The following ZBBX variants were observed in gnomAD, a reference collection of about 807,000 sequenced individuals.
ZBBX encodes the protein zinc finger B-box domain containing.
A neutral mutation model predicts 108.5 loss-of-function variants in ZBBX; 101 were observed. The ratio of observed to expected loss-of-function variants is 0.93; its 90% CI spans 0.79 to 1.10. The LOEUF is 1.10. Among genes scored for constraint, ZBBX ranks in the 50% least tolerant of loss-of-function variants. The probability of loss-of-function intolerance (pLI) is 0.00; values close to 1 mark genes in which losing one functional copy is unlikely to be tolerated. For synonymous variants in ZBBX, 356 were observed against 323.4 expected (o/e 1.10, Z -1.08); for missense variants, 1,009 against 941.4 (o/e 1.07, Z -0.94).
intron 9 of ZBBX, among the ~76,000 whole-genome samples, chr3:167,348,294 A>AAGGAAGGAAGGAAG (rs1741889496): frequency 4.7e-5 from 3 of 63,462 alleles, no homozygotes; most frequent in East Asian, 8.4e-4. Context: ...AAGGAAGGAA[A>AAGGAAGGAAGGAAG]GAAGAAAGAG....
intron 20 of ZBBX, among the ~76,000 whole-genome samples, chr3:167,277,594 T>C (rs1219861278): frequency 2.0e-5 from 3 of 152,136 alleles, no homozygotes; most frequent in African/African-American, 4.8e-5. Flanking sequence ...AGCAGATTCA[T>C]AAAGCAAGTC....
chr3:167,372,895 T>C lies in ZBBX; in HGVS notation c.7A>G (p.Arg3Gly). Residue 3 changes from arginine (R) to glycine (G), a missense_variant, in exon 4 of 22, where the codon AGA (arginine) becomes GGA (glycine). Arg to Gly is a moderately radical substitution (Grantham distance 125). Transcript: ENST00000675490. ...CATGGAAGAACTACAAAATCTTTTCTGTTCATGATTACCACCTTAATATTG... is the reference window on the plus strand; with the variant it reads ...CATGGAAGAACTACAAAATCTTTTCCGTTCATGATTACCACCTTAATATTG... MN[R>G]KDFVVLPWGK... 1 of 1,600,890 alleles carries C rather than the reference T, an allele frequency of 6.2e-7. No homozygotes were observed. Among genetic ancestry groups the C allele is most frequent in the Non-Finnish European group, 8.5e-7 (1 of 1,174,376 alleles).
chr3:167,348,771 T>C (rs543989859), intron 9 of ZBBX, among the ~76,000 whole-genome samples: 5 of 152,180 alleles, frequency 3.3e-5, no homozygotes, highest in African/African-American at 9.6e-5. Context: ...GTATATTCGG[T>C]AGATATTTTC....
In ZBBX at chr3:167,286,131, A is replaced by G. The variant is rs374854003; in HGVS notation, c.1996+2736T>C. On this transcript the variant is annotated intron_variant, in intron 19 of 21. Transcript: ENST00000675490. ...GCTGAATAATGGAAAAGAATCAATC[A>G]TATGAAGAGTGTGAGAATGGAGAGG... Among the ~76,000 whole-genome samples, 43 of 152,280 alleles carry G rather than the reference A, an allele frequency of 2.8e-4. 1 individual carries two copies. The South Asian group carries it at 8.9e-3, about 32-fold the overall frequency.
rs967022860 is a variant in ZBBX at position 167,277,207 on chromosome 3, C to T, written c.2254+5031G>A. On this transcript the variant is annotated intron_variant, in intron 20 of 21. Coordinates refer to ENST00000675490, the MANE Select transcript of ZBBX (RefSeq NM_001199201.2). ...TCAACTAACGAGCAAAATAACCAGC[C>T]AACATCATAATGACAGGAACAAATT... Among the ~76,000 whole-genome samples, 29 of 151,496 alleles carry T rather than the reference C, an allele frequency of 1.9e-4. No individual in the cohort carries two copies. In the South Asian group the frequency reaches 4.6e-3, roughly 24 times the overall value.
chr3:167,333,816 C>T lies in ZBBX; in HGVS notation c.687+11G>A. The stretch of plus-strand genomic sequence containing the variant: ...TGTCAGAAAATGTCTACTATATTTT[C>T]CTCAGTTTACCTCAGAGCTGCTCCT... On this transcript the variant is annotated intron_variant, in intron 10 of 21. Coordinates refer to ENST00000675490, the MANE Select transcript of ZBBX (RefSeq NM_001199201.2). 1.3e-6 allele frequency: 2 copies of T among 1,581,364 alleles called. No homozygotes were observed. The highest frequency in any genetic ancestry group is 1.7e-6 in the Non-Finnish European group (2 of 1,167,892).
At chr3:167,354,494 GA>G (rs151050657) in intron 8 of ZBBX, among the ~76,000 whole-genome samples, 1,837 of 151,472 alleles carry the variant, frequency 0.012, 45 homozygotes, top group African/African-American at 0.042. Flanking sequence ...TTAATCTGAA[GA>G]AAAAAAAACA....
intron 9 of ZBBX, among the ~76,000 whole-genome samples, chr3:167,349,208 C>T (rs1168383239): frequency 6.6e-6 from 1 of 152,050 alleles, no homozygotes; most frequent in Non-Finnish European, 1.5e-5. Flanking sequence ...CTCAATAAAT[C>T]ATTGAATGAA....
At chr3:167,191,708 G>A in the ZBBX span, among the ~76,000 whole-genome samples, 1 of 151,662 alleles carries the variant, frequency 6.6e-6, no homozygotes, top group Non-Finnish European at 1.5e-5. Flanking sequence ...CCAGTCTCTG[G>A]TATGTCTTTA....
At chr3:167,201,613 A>G in the ZBBX span, among the ~76,000 whole-genome samples, 2 of 152,162 alleles carry the variant, frequency 1.3e-5, no homozygotes, top group African/African-American at 4.8e-5. Context: ...TGTAAATTGC[A>G]TTAAAATAGA....
At chr3:167,317,215 C>T (rs1234162027) in intron 13 of ZBBX, 110 bp from the exon 14 acceptor site, 7 of 698,496 alleles carry the variant, frequency 1.0e-5, no homozygotes, top group African/African-American at 7.4e-5. Context: ...TGTATCTACA[C>T]AAAAATACAA....
rs1202818790 is a variant in ZBBX, at chr3:167,282,389, A to G, written c.2103T>C (p.Ala701=). ...SSSHPRSRSA[A]AQSSSRAASE... ...AAGCAGCTCTAGATGATGATTGAGC[A>G]GCTGCACTTCTTGATCGAGGATGAG... is the stretch of plus-strand genomic sequence containing the variant. Residue 701 remains alanine, a synonymous_variant, in exon 20 of 22, where the codon GCT becomes GCC. Coordinates refer to ENST00000675490, the MANE Select transcript of ZBBX (RefSeq NM_001199201.2). 1 of 1,614,182 alleles carries G rather than the reference A, an allele frequency of 6.2e-7. No homozygotes were observed. Among genetic ancestry groups the G allele is most frequent in the South Asian group, 1.1e-5 (1 of 91,088 alleles).
the ZBBX span, among the ~76,000 whole-genome samples, chr3:167,185,095 T>C: frequency 6.6e-6 from 1 of 152,240 alleles, no homozygotes; most frequent in Non-Finnish European, 1.5e-5. Context: ...ACTTGGTTTG[T>C]AATTGTTCCA....
At chr3:167,278,169 C>T (rs1443160611) in intron 20 of ZBBX, among the ~76,000 whole-genome samples, 1 of 123,034 alleles carries the variant, frequency 8.1e-6, no homozygotes, top group Non-Finnish European at 1.7e-5. Context: ...AATTGACACC[C>T]TAACATCACA....
chr3:167,322,317 C>T (rs1560122439), intron 11 of ZBBX, 80 bp from the exon 12 acceptor site: 4 of 1,233,068 alleles, frequency 3.2e-6, no homozygotes, highest in Non-Finnish European at 4.2e-6. Flanking sequence ...ATGTAGAACT[C>T]ATCATTTTTG....
intron 18 of ZBBX, among the ~76,000 whole-genome samples, chr3:167,290,712 G>A (rs947264622): frequency 2.6e-5 from 4 of 152,068 alleles, no homozygotes; most frequent in East Asian, 1.9e-4. Context: ...TGAGTTTGAC[G>A]AATTGACAGA....
chr3:167,309,078 TTC>T (rs1734146508), intron 16 of ZBBX, among the ~76,000 whole-genome samples: 1 of 152,174 alleles, frequency 6.6e-6, no homozygotes, highest in African/African-American at 2.4e-5. Flanking sequence ...TTCCAGAAAT[TTC>T]TGAGTAACTC....
chr3:167,407,178 A>T (rs1189798089), intron 1 of ZBBX, among the ~76,000 whole-genome samples: 1 of 152,224 alleles, frequency 6.6e-6, no homozygotes, highest in African/African-American at 2.4e-5. Context: ...ATATGTGCTT[A>T]TCACCCTCAC....
intron 2 of ZBBX, among the ~76,000 whole-genome samples, chr3:167,378,788 C>T (rs1747358388): frequency 6.6e-6 from 1 of 152,174 alleles, no homozygotes. Context: ...TCTCTGCTCA[C>T]CAAGTTTTAT....
Sources: gnomAD v4.1 joint callset for allele counts (sites outside exome capture counted in the v4.1 genomes callset) on GRCh38, gnomAD v4.1.1 for gene constraint, MANE v1.5 for transcripts, NCBI Gene and HGNC (gene_info 2026-07-23, HGNC 2026-07-21) for gene names.